EXOC7: variants seen among roughly 807,000 people sequenced by gnomAD.
EXOC7 encodes the protein exocyst complex component Exo70.
A neutral mutation model predicts 87.6 loss-of-function variants in EXOC7; 51 were observed. The ratio of observed to expected loss-of-function variants is 0.58; its 90% confidence interval spans 0.46 to 0.73. The LOEUF (loss-of-function observed/expected upper bound fraction) is 0.73. EXOC7 is among the 30% of genes least tolerant of loss of function. The pLI is 0.00. For synonymous variants in EXOC7, 327 were observed against 357.1 expected, an observed-to-expected ratio of 0.92 and a Z score of 0.95; for missense variants, 744 against 888.4, an observed-to-expected ratio of 0.84 and a Z score of 2.07.
chr17:76,090,946 G>A, intron 7 of EXOC7, 197 bp downstream of exon 7: 3 of 617,938 alleles, frequency 4.9e-6, no homozygotes, highest in Non-Finnish European at 5.8e-6. Flanking sequence ...GCTGCCATCA[G>A]CCAGAGAGGA....
intron 15 of EXOC7, 190 bp downstream of exon 15, chr17:76,085,123 TA>T: frequency 1.7e-6 from 1 of 598,224 alleles, no homozygotes; most frequent in Non-Finnish European, 3.0e-6. Context: ...AGTGGGCCCC[TA>T]GGAGCAGGTA....
intron 5 of EXOC7, 88 bp from the exon 6 acceptor site, chr17:76,094,669 AC>A (rs1426636245): frequency 2.2e-6 from 3 of 1,372,198 alleles, no homozygotes; most frequent in Non-Finnish European, 3.0e-6. Flanking sequence ...AAACCTGTCA[AC>A]CCTTCTTAGC....
rs762680437 is a variant in EXOC7 at position 76,089,155 on chromosome 17, C to A, written c.1047+20G>T. ...GCTCTTGCTGGGGCTGGCTGCAGAG[C>A]CCCCGGGGCGGGGCGGGACCTGTAT... On this transcript the variant is annotated intron_variant, in intron 8 of 18. Transcript: ENST00000589210. 2 of 1,611,134 alleles carry A rather than the reference C, an allele frequency of 1.2e-6. No individual in the cohort carries two copies. The highest frequency in any genetic ancestry group is 2.2e-5 in the East Asian group (1 of 44,868).
Position 76,082,039 on chromosome 17 carries a change from T to C in EXOC7, c.*1609A>G. ...GAGAGCACGGCAACCCAGGGCCTCA[T>C]CCTGCTGAAGGTGGGCAGGGGCTGG... On this transcript the variant is annotated 3_prime_UTR_variant, in exon 19 of 19. Transcript: ENST00000589210. The C allele has an allele frequency of 6.2e-7, 1 of 1,608,254 alleles. No individual in the cohort carries two copies. The highest frequency in any genetic ancestry group is 8.5e-7 in the Non-Finnish European group (1 of 1,178,060).
At position 76,088,130 on chromosome 17, in the gene EXOC7, A is replaced by G. The variant is rs1222283389; in HGVS notation, c.1300-8T>C. 1 of 1,613,632 alleles carries G rather than the reference A, an allele frequency of 6.2e-7. No homozygotes were observed. Among genetic ancestry groups the G allele is most frequent in the Non-Finnish European group, 8.5e-7 (1 of 1,179,850 alleles). On this transcript the variant is annotated splice_region_variant and splice_polypyrimidine_tract_variant and intron_variant, in intron 10 of 18. Coordinates refer to ENST00000589210, the MANE Select transcript of EXOC7 (RefSeq NM_001013839.4). ...CTCCTTGTCCGGGTCATTCTGTGGA[A>G]AAACAGCCTCTGGTTCCCTGAAGCA...
Position 76,084,544 on chromosome 17 carries a change from A to G in EXOC7, c.1749T>C (p.Asn583=), listed in dbSNP as rs2067124221. The change falls in exon 16 of 19, where the codon AAT becomes AAC. Residue 583 remains asparagine (N), a synonymous_variant. Transcript: ENST00000589210. ...TGACTCCCGGCTGGAACACAGGTAGATTCTTCTCTGCGATGTAATCAGTCA... is the reference window on the plus strand; with the variant it reads ...TGACTCCCGGCTGGAACACAGGTAGGTTCTTCTCTGCGATGTAATCAGTCA... The part of the protein sequence containing the change: ...LKVTDYIAEK[N]LPVFQPGVKL... 1.2e-6 allele frequency: 2 copies of G among 1,613,978 alleles called. No individual in the cohort carries two copies. The highest frequency in any genetic ancestry group is 1.7e-6 in the Non-Finnish European group (2 of 1,180,032).
chr17:76,085,971 T>C (rs1258791046), intron 13 of EXOC7, 109 bp downstream of exon 13: 53 of 1,512,468 alleles, frequency 3.5e-5, no homozygotes, highest in Non-Finnish European at 4.6e-5. Context: ...AAAGATCAGA[T>C]GGCACTTAGG....
Position 76,081,293 on chromosome 17 carries a change from T to G in EXOC7, c.*2355A>C. 6.2e-7 allele frequency: 1 copy of G among 1,613,966 alleles called. No individual in the cohort carries two copies. The highest frequency in any genetic ancestry group is 8.5e-7 in the Non-Finnish European group (1 of 1,180,002). On this transcript the variant is annotated 3_prime_UTR_variant, in exon 19 of 19. Transcript: ENST00000589210. Reference sequence around the variant, plus strand: ...CACCCCTCAGCGATGGAGTTAGAGTTCCAGGCCCACGTGGTGAACGAGATT... The same window carrying G: ...CACCCCTCAGCGATGGAGTTAGAGTGCCAGGCCCACGTGGTGAACGAGATT...
Position 76,085,376 on chromosome 17 carries a change from C to G in EXOC7, c.1650G>C (p.Gln550His), listed in dbSNP as rs556370079. ...SELIQLVAVT[Q>H]KTAERSYREH... ...CCCGGTAGGAGCGCTCAGCAGTCTTCTGTGTCACTGCCACCAGCTGGATCA... is the reference window on the plus strand; with the variant it reads ...CCCGGTAGGAGCGCTCAGCAGTCTTGTGTGTCACTGCCACCAGCTGGATCA... Residue 550 changes from glutamine (Q) to histidine (H), a missense_variant, in exon 15 of 19, where the codon CAG becomes CAC. Gln to His is a conservative substitution (Grantham distance 24). Transcript: ENST00000589210. 3.7e-6 allele frequency: 6 copies of G among 1,610,820 alleles called. No individual in the cohort carries two copies. The South Asian group carries it at 5.5e-5, about 15-fold the overall frequency.
In EXOC7 at chr17:76,089,310, G is replaced by T. The variant is rs764799113; in HGVS notation, c.912C>A (p.Asp304Glu). Residue 304 changes from aspartate to glutamate, a missense_variant, in exon 8 of 19, where the codon GAC (aspartate) becomes GAA (glutamate). By Grantham distance (45) the Asp-to-Glu change is conservative. Transcript: ENST00000589210. ...SNLIPLEGRD[D>E]MLDVETDAYI... is the part of the protein sequence containing the mutation. ...AGGCATCGGTCTCCACGTCCAGCAT[G>T]TCATCTCTCCCTGGGGGATGGCACA... is the stretch of plus-strand genomic sequence containing the variant. 1.2e-6 allele frequency: 2 copies of T among 1,614,032 alleles called. No individual in the cohort carries two copies. The highest frequency in any genetic ancestry group is 1.7e-6 in the Non-Finnish European group (2 of 1,179,994).
At position 76,085,660 on chromosome 17, in the gene EXOC7, T is replaced by C. The variant is rs1318156616; in HGVS notation, c.1616+17A>G. On this transcript the variant is annotated intron_variant, in intron 14 of 18. Coordinates refer to ENST00000589210, the MANE Select transcript of EXOC7 (RefSeq NM_001013839.4). The stretch of plus-strand genomic sequence containing the variant: ...GGGAAGGTGAGAGCCGCAGACTCAC[T>C]CCCGCAGGCCACTTACTTCTCCAGG... 1.2e-6 allele frequency: 2 copies of C among 1,613,908 alleles called. No individual in the cohort carries two copies. Among genetic ancestry groups the C allele is most frequent in the South Asian group, 2.2e-5 (2 of 91,072 alleles).
At position 76,083,416 on chromosome 17, in the gene EXOC7, T is replaced by G. The variant is rs1598289007; in HGVS notation, c.*232A>C. 3.6e-6 allele frequency: 2 copies of G among 551,494 alleles called. No homozygotes were observed. The highest frequency in any genetic ancestry group is 6.3e-5 in the East Asian group (2 of 31,896). 34.2% of individuals were successfully genotyped at this position (551,494 alleles called of 1,614,324 possible). On this transcript the variant is annotated 3_prime_UTR_variant, in exon 19 of 19. Coordinates refer to ENST00000589210, the MANE Select transcript of EXOC7 (RefSeq NM_001013839.4). The stretch of plus-strand genomic sequence containing the variant: ...GCCATCAGGGTCATAAAAGCCAAGG[T>G]GTGGAGGGACCCCAGGCTTCCGGGA...
At chr17:76,101,449 A>C (rs2068056922) in intron 3 of EXOC7, 73 bp from the exon 4 acceptor site, 1 of 1,568,140 alleles carries the variant, frequency 6.4e-7, no homozygotes, top group Admixed American at 2.0e-5. Context: ...GTATTTGGGA[A>C]AAAGAAAATT....
In EXOC7 at chr17:76,081,722, C is replaced by T. The variant is rs368377504; in HGVS notation, c.*1926G>A. ...CCTCCACTCCTCCCTGGTGCAGGCC[C>T]TGCCCAGCTCCTCCTCCTGCAACCC... On this transcript the variant is annotated 3_prime_UTR_variant, in exon 19 of 19. Coordinates refer to ENST00000589210, the MANE Select transcript of EXOC7 (RefSeq NM_001013839.4). 2.8e-4 allele frequency: 458 copies of T among 1,613,970 alleles called. No individual in the cohort carries two copies. The highest frequency in any genetic ancestry group is 3.5e-4 in the Non-Finnish European group (418 of 1,180,000).
Position 76,103,784 on chromosome 17 carries a change from T to C in EXOC7, c.-92A>G. ...CCGTCACACCCACTTCCGCTCTTGG[T>C]CCCGCCCCGGGACGCCTGGGCGGAG... On this transcript the variant is annotated 5_prime_UTR_variant, in exon 1 of 19. Transcript: ENST00000589210. 7.0e-7 allele frequency: 1 copy of C among 1,421,240 alleles called. No homozygotes were observed. The highest frequency in any genetic ancestry group is 9.5e-7 in the Non-Finnish European group (1 of 1,048,646). 88.0% of individuals were successfully genotyped at this position (1,421,240 alleles called of 1,614,324 possible).
Position 76,088,785 on chromosome 17 carries a change from C to G in EXOC7, c.1186G>C (p.Asp396His), listed in dbSNP as rs1430715687. The G allele has an allele frequency of 1.9e-6, 3 of 1,613,752 alleles. No individual in the cohort carries two copies. The highest frequency in any genetic ancestry group is 2.5e-6 in the Non-Finnish European group (3 of 1,180,030). The change falls in exon 9 of 19, where the codon GAC (aspartate) becomes CAC (histidine). Residue 396 changes from aspartate to histidine, a missense_variant. By Grantham distance (81) the Asp-to-His change is moderately conservative (BLOSUM62 -1). Coordinates refer to ENST00000589210, the MANE Select transcript of EXOC7 (RefSeq NM_001013839.4). ...CGCCCACATACCTGGAGCACCTGGTCAAACTCAGGCTTGGTCTGCTTGAGG... is the reference window on the plus strand; with the variant it reads ...CGCCCACATACCTGGAGCACCTGGTGAAACTCAGGCTTGGTCTGCTTGAGG... ...RHLKQTKPEF[D>H]QVLQGTAAST...
At chr17:76,085,944 G>C (rs1194953168) in intron 13 of EXOC7, 136 bp downstream of exon 13, 1 of 1,511,574 alleles carries the variant, frequency 6.6e-7, no homozygotes, top group African/African-American at 1.4e-5. Context: ...CTGAACTAGA[G>C]GTCAGGTTGT....
At chr17:76,095,537 CAA>C (rs2067708842) in intron 5 of EXOC7, among the ~76,000 whole-genome samples, 2 of 152,026 alleles carry the variant, frequency 1.3e-5, no homozygotes, top group Non-Finnish European at 2.9e-5. Flanking sequence ...CTATAGGAAG[CAA>C]AAAGACAACA....
intron 15 of EXOC7, 45 bp from the exon 16 acceptor site, chr17:76,084,625 T>C (rs753156676): frequency 1.9e-6 from 3 of 1,569,808 alleles, no homozygotes; most frequent in Non-Finnish European, 1.8e-6. Flanking sequence ...GTGGCCTGCC[T>C]CAGTGGCCTG....
Sources: gnomAD v4.1 joint callset for allele counts (sites outside exome capture counted in the v4.1 genomes callset) on GRCh38, gnomAD v4.1.1 for gene constraint, MANE v1.5 for transcripts, NCBI Gene and HGNC (gene_info 2026-07-23, HGNC 2026-07-21) for gene names.